JAK2: variants seen among roughly 807,000 people sequenced by gnomAD.
The protein encoded by JAK2 is tyrosine-protein kinase JAK2.
Under a neutral mutation model 139.3 loss-of-function variants are expected in JAK2, and 86 were observed. That is an observed-to-expected ratio of 0.62 (90% confidence interval 0.52 to 0.74). JAK2 has a LOEUF of 0.74. JAK2 is among the 30% of genes least tolerant of loss of function. The pLI is 0.00. For missense variants in JAK2, 1,421 were observed against 1,360.3 expected, an observed-to-expected ratio of 1.04 and a Z score of -0.70; for synonymous variants, 490 against 437.7, an observed-to-expected ratio of 1.12 and a Z score of -1.49.
rs12336577 is a variant in JAK2, at chr9:5,063,690, T to C, written c.1057-1193T>C. Among the ~76,000 whole-genome samples, 174 of 152,116 alleles carry C rather than the reference T, an allele frequency of 1.1e-3. 2 individuals carry two copies. Among genetic ancestry groups the C allele is most frequent in the African/African-American group, 3.8e-3 (158 of 41,550 alleles). ...CTATATATTTAAATAAAAAGTTGCA[T>C]AAGAGTGTTTTGAAGTTTTTGTTAA... is the stretch of plus-strand genomic sequence containing the variant. On this transcript the variant is annotated intron_variant, in intron 8 of 24. Transcript: ENST00000381652.
intron 4 of JAK2, among the ~76,000 whole-genome samples, chr9:5,033,465 A>G (rs1823322341): frequency 6.6e-6 from 1 of 152,230 alleles, no homozygotes; most frequent in South Asian, 2.1e-4. Flanking sequence ...GAAATGAAGG[A>G]AAAAATGTTA....
intron 14 of JAK2, among the ~76,000 whole-genome samples, chr9:5,076,805 G>C (rs1819335454): frequency 1.3e-5 from 2 of 151,986 alleles, no homozygotes; most frequent in Non-Finnish European, 2.9e-5. Flanking sequence ...TTTGAAAATT[G>C]ATAATCTTCT....
At chr9:5,103,154 C>T (rs959327496) in intron 22 of JAK2, among the ~76,000 whole-genome samples, 1 of 131,944 alleles carries the variant, frequency 7.6e-6, no homozygotes, top group South Asian at 2.5e-4. Flanking sequence ...AGACCAATCT[C>T]ATGTGCAGAG....
At chr9:5,004,531 C>A (rs1821146096) in intron 2 of JAK2, among the ~76,000 whole-genome samples, 1 of 152,046 alleles carries the variant, frequency 6.6e-6, no homozygotes, top group Admixed American at 6.6e-5. Context: ...TTTATCAGTT[C>A]ATCTGTTGAT....
chr9:5,017,308 C>G (rs1372835054), intron 2 of JAK2, among the ~76,000 whole-genome samples: 1 of 151,910 alleles, frequency 6.6e-6, no homozygotes, highest in African/African-American at 2.4e-5. Flanking sequence ...GAAGGAAGAC[C>G]CAAAACAATG....
In JAK2 at chr9:5,119,038, CTAT is replaced by C. The variant is rs1337778729; in HGVS notation, c.3060-3960_3060-3958del. 5.9e-5 allele frequency among the ~76,000 whole-genome samples: 9 copies of C among 152,190 alleles called. No individual in the cohort carries two copies. The South Asian group carries it at 8.3e-4, about 14-fold the overall frequency. On this transcript the variant is annotated intron_variant, in intron 22 of 24. Transcript: ENST00000381652. Reference sequence around the variant, plus strand: ...ATTCAGAAAAGTTTGAAAAAACAGACTATTATTAATACATTATTATTAACATAT... The same window carrying C: ...ATTCAGAAAAGTTTGAAAAAACAGACTATTAATACATTATTATTAACATAT...
intron 22 of JAK2, chr9:5,098,347 C>T (rs1450891349): frequency 6.6e-6 from 1 of 152,218 alleles, no homozygotes; most frequent in Non-Finnish European, 1.5e-5. Flanking sequence ...CTTAATGGCT[C>T]ATCCAGTTCA....
chr9:5,080,362 T>A lies in JAK2; in HGVS notation c.2265T>A (p.Ser755Arg), dbSNP rs760667430. Reference sequence around the variant, plus strand: ...GCAGTGGAGGAGATAAACCTCTAAGTGCTCTGGATTCTCAAAGAGTAAGTT... The same window carrying A: ...GCAGTGGAGGAGATAAACCTCTAAGAGCTCTGGATTCTCAAAGAGTAAGTT... ...EICSGGDKPL[S>R]ALDSQRKLQF... The change falls in exon 17 of 25, where the codon AGT (serine) becomes AGA (arginine). Residue 755 changes from serine to arginine, a missense_variant. Transcript: ENST00000381652. 1.9e-5 allele frequency: 30 copies of A among 1,612,898 alleles called. No individual in the cohort carries two copies. Among genetic ancestry groups the A allele is most frequent in the Non-Finnish European group, 2.5e-5 (29 of 1,179,460 alleles).
At chr9:5,062,189 A>G (rs1818224319) in intron 8 of JAK2, among the ~76,000 whole-genome samples, 1 of 152,052 alleles carries the variant, frequency 6.6e-6, no homozygotes, top group Admixed American at 6.6e-5. Context: ...CAAAACCTGC[A>G]TATGTGTAGG....
At chr9:5,085,093 T>C (rs1160494575) in intron 19 of JAK2, 1 of 660,672 alleles carries the variant, frequency 1.5e-6, no homozygotes, top group African/African-American at 1.8e-5. Context: ...TTCATGGCAG[T>C]ACTGCTGGGC....
chr9:5,090,846 C>A lies in JAK2; in HGVS notation c.2994C>A (p.Thr998=). 6.2e-7 allele frequency: 1 copy of A among 1,613,030 alleles called. No homozygotes were observed. Among genetic ancestry groups the A allele is most frequent in the Non-Finnish European group, 8.5e-7 (1 of 1,179,408 alleles). The change falls in exon 22 of 25, where the codon ACC becomes ACA. Residue 998 remains threonine (T), a synonymous_variant. Coordinates refer to ENST00000381652, the MANE Select transcript of JAK2 (RefSeq NM_004972.4). ...TTAAAATTGGAGATTTTGGGTTAAC[C>A]AAAGTCTTGCCACAAGACAAAGAAT... ...NRVKIGDFGL[T]KVLPQDKEYY... is the part of the protein sequence containing the mutation.
intron 7 of JAK2, among the ~76,000 whole-genome samples, chr9:5,055,442 A>G (rs1251045033): frequency 6.6e-6 from 1 of 151,982 alleles, no homozygotes; most frequent in Admixed American, 6.6e-5. Flanking sequence ...GCCATAGCAC[A>G]TTTTAGATTC....
intron 18 of JAK2, among the ~76,000 whole-genome samples, chr9:5,080,884 G>T (rs888124733): frequency 3.6e-5 from 5 of 140,532 alleles, no homozygotes; most frequent in Non-Finnish European, 6.1e-5. Flanking sequence ...TTTATAAAAA[G>T]ACCTTTTCTT....
chr9:5,079,858 A>G (rs1403005495), intron 16 of JAK2, among the ~76,000 whole-genome samples: 1 of 151,952 alleles, frequency 6.6e-6, no homozygotes, highest in Non-Finnish European at 1.5e-5. Context: ...AAACTAATGG[A>G]AAGAGGTTGA....
rs746150275 is a variant in JAK2 at position 5,072,494 on chromosome 9, T to A, written c.1644T>A (p.Asn548Lys). Reference protein sequence around the residue: ...HKIRNEDLIFNESLGQGTFTK... With the variant: ...HKIRNEDLIFKESLGQGTFTK... ...TCTTTTACCTTTTTCTCTTGAAGAA[T>A]GAAAGCCTTGGCCAAGGCACTTTTA... Residue 548 changes from asparagine (N) to lysine (K), a missense_variant and splice_region_variant, in exon 13 of 25, where the codon AAT (asparagine) becomes AAA (lysine). Physicochemically the swap from Asn to Lys is moderately conservative, Grantham distance 94 (BLOSUM62 0). Transcript: ENST00000381652. The A allele has an allele frequency of 6.4e-7, 1 of 1,558,026 alleles. No individual in the cohort carries two copies. The highest frequency in any genetic ancestry group is 1.2e-5 in the South Asian group (1 of 81,364).
At chr9:5,050,999 A>AT (rs1324847847) in intron 6 of JAK2, among the ~76,000 whole-genome samples, 168 bp downstream of exon 6, 2 of 152,156 alleles carry the variant, frequency 1.3e-5, no homozygotes, top group African/African-American at 2.4e-5. Context: ...ATATTTCCAG[A>AT]TTTTGGAATA....
At chr9:5,005,004 C>A (rs1431691698) in intron 2 of JAK2, among the ~76,000 whole-genome samples, 1 of 147,310 alleles carries the variant, frequency 6.8e-6, no homozygotes, top group African/African-American at 2.5e-5. Context: ...GCAGCCTTGA[C>A]CTCCCAAGCG....
At chr9:5,065,574 G>A (rs1416578083) in intron 9 of JAK2, among the ~76,000 whole-genome samples, 1 of 152,174 alleles carries the variant, frequency 6.6e-6, no homozygotes, top group Non-Finnish European at 1.5e-5. Context: ...TGTGGCTAAT[G>A]CAACCGAGGA....
At chr9:5,098,632 G>C (rs1349705506) in intron 22 of JAK2, 2 of 151,770 alleles carry the variant, frequency 1.3e-5, no homozygotes, top group African/African-American at 4.8e-5. Flanking sequence ...TACTGTCAAA[G>C]CAATTGGTCA....
Sources: gnomAD v4.1 joint callset for allele counts (sites outside exome capture counted in the v4.1 genomes callset) on GRCh38, gnomAD v4.1.1 for gene constraint, MANE v1.5 for transcripts, NCBI Gene and HGNC (gene_info 2026-07-23, HGNC 2026-07-21) for gene names.